SPOCK1: variants seen among roughly 807,000 people sequenced by gnomAD.
The protein encoded by SPOCK1 is testican-1.
A neutral mutation model predicts 55.3 loss-of-function variants in SPOCK1; 23 were observed. That is an observed-to-expected ratio of 0.42 (90% CI 0.30 to 0.59). The LOEUF is 0.59. Among genes scored for constraint, SPOCK1 ranks in the 20% least tolerant of loss-of-function variants. The probability of loss-of-function intolerance (pLI) is 0.22; values close to 1 mark genes in which losing one functional copy is unlikely to be tolerated. For missense variants in SPOCK1, 499 were observed against 552.5 expected, an observed-to-expected ratio of 0.90 and a Z score of 0.97; for synonymous variants, 226 against 221.0, an observed-to-expected ratio of 1.02 and a Z score of -0.20.
intron 2 of SPOCK1, among the ~76,000 whole-genome samples, chr5:137,412,631 T>A (rs1221455703): frequency 6.6e-6 from 1 of 152,128 alleles, no homozygotes; most frequent in African/African-American, 2.4e-5. Flanking sequence ...AAGCAGTCCC[T>A]CAGACAGAAA....
At chr5:137,157,933 T>C (rs554545126) in intron 3 of SPOCK1, among the ~76,000 whole-genome samples, 84 of 152,212 alleles carry the variant, frequency 5.5e-4, no homozygotes, top group African/African-American at 2.0e-3. Context: ...GTGGTGGCGC[T>C]TGCCTGCAAT....
intron 2 of SPOCK1, among the ~76,000 whole-genome samples, chr5:137,414,466 C>G (rs1752286783): frequency 6.6e-6 from 1 of 152,168 alleles, no homozygotes; most frequent in Admixed American, 6.5e-5. Context: ...AATGTGACTG[C>G]TTACCACCTT....
At chr5:137,185,623 G>C (rs1050471617) in intron 3 of SPOCK1, among the ~76,000 whole-genome samples, 1 of 152,072 alleles carries the variant, frequency 6.6e-6, no homozygotes, top group Admixed American at 6.6e-5. Flanking sequence ...ATAAAATAAA[G>C]AAATAAATAA....
intron 2 of SPOCK1, among the ~76,000 whole-genome samples, chr5:137,333,389 G>A (rs886311097): frequency 1.3e-5 from 2 of 152,134 alleles, no homozygotes; most frequent in African/African-American, 4.8e-5. Flanking sequence ...AGTTGAGGAG[G>A]AGGGAGCCAA....
At chr5:137,328,772 G>A (rs563166083) in intron 2 of SPOCK1, among the ~76,000 whole-genome samples, 17 of 152,260 alleles carry the variant, frequency 1.1e-4, no homozygotes, top group East Asian at 5.8e-4. Context: ...ATCAGTACGC[G>A]GCAGAACCAC....
chr5:137,043,054 A>T (rs747518203), intron 6 of SPOCK1, among the ~76,000 whole-genome samples: 54 of 152,146 alleles, frequency 3.5e-4, no homozygotes, highest in Non-Finnish European at 1.3e-4. Context: ...TGGGATACTA[A>T]ATACACAAGA....
intron 6 of SPOCK1, among the ~76,000 whole-genome samples, chr5:137,059,387 A>G (rs1752356241): frequency 6.6e-6 from 1 of 152,268 alleles, no homozygotes; most frequent in Admixed American, 6.5e-5. Flanking sequence ...AAGTTAAAAA[A>G]TTATTATATG....
chr5:137,279,060 C>A (rs893224555), intron 2 of SPOCK1, among the ~76,000 whole-genome samples: 2 of 152,018 alleles, frequency 1.3e-5, no homozygotes, highest in African/African-American at 4.8e-5. Context: ...AGATCAAAGG[C>A]TCTAGGACCT....
chr5:137,039,073 GGA>G (rs1254144702), intron 6 of SPOCK1, among the ~76,000 whole-genome samples: 3 of 152,024 alleles, frequency 2.0e-5, no homozygotes, highest in Non-Finnish European at 4.4e-5. Flanking sequence ...ATTATAAGCT[GGA>G]TCCCATTCCA....
rs10077415 is a variant in SPOCK1, at chr5:137,260,954, C to G, written c.232+6056G>C. Among the ~76,000 whole-genome samples, 338 of 152,242 alleles carry G rather than the reference C, an allele frequency of 2.2e-3. 1 individual carries two copies. Among genetic ancestry groups the G allele is most frequent in the Middle Eastern group, 6.8e-3 (2 of 294 alleles). On this transcript the variant is annotated intron_variant, in intron 3 of 10. Transcript: ENST00000394945. ...GATGAGTAGTTGCTGTTGGGGAAAG[C>G]ATATTCCTAATTATGTGGAAAAGGC...
chr5:136,983,622 A>G (rs907000214), intron 9 of SPOCK1, among the ~76,000 whole-genome samples: 3 of 149,016 alleles, frequency 2.0e-5, no homozygotes, highest in African/African-American at 7.4e-5. Context: ...CTTGGACCAA[A>G]AAAAAAAAAA....
Position 137,473,093 on chromosome 5 carries a change from C to T in SPOCK1, c.186+25280G>A, listed in dbSNP as rs1048607273. ...ATGCTTCTGCTGTGACCCAGCAATT[C>T]CCCTTCTAGGAATTTACCCCCAAAG... is the stretch of plus-strand genomic sequence containing the variant. On this transcript the variant is annotated intron_variant, in intron 2 of 10. Coordinates refer to ENST00000394945, the MANE Select transcript of SPOCK1 (RefSeq NM_004598.4). Among the ~76,000 whole-genome samples, 4 of 152,276 alleles carry T rather than the reference C, an allele frequency of 2.6e-5. No individual in the cohort carries two copies. The South Asian group carries it at 8.3e-4, about 32-fold the overall frequency.
At chr5:137,347,653 G>A (rs769518856) in intron 2 of SPOCK1, among the ~76,000 whole-genome samples, 3 of 152,094 alleles carry the variant, frequency 2.0e-5, no homozygotes, top group South Asian at 4.1e-4. Flanking sequence ...GGAGGTGAAG[G>A]TTGCAGTGAG....
At chr5:137,337,356 C>T (rs765649766) in intron 2 of SPOCK1, among the ~76,000 whole-genome samples, 4 of 152,156 alleles carry the variant, frequency 2.6e-5, no homozygotes, top group Non-Finnish European at 5.9e-5. Context: ...CTAACATTTC[C>T]AATGACCAAA....
chr5:137,449,550 G>A (rs1368535158), intron 2 of SPOCK1, among the ~76,000 whole-genome samples: 2 of 152,068 alleles, frequency 1.3e-5, no homozygotes, highest in African/African-American at 4.8e-5. Flanking sequence ...GCCTCTCTAA[G>A]TCCCAGTTTC....
intron 2 of SPOCK1, among the ~76,000 whole-genome samples, chr5:137,496,024 G>A (rs1419474723): frequency 2.0e-5 from 3 of 151,528 alleles, no homozygotes; most frequent in East Asian, 3.9e-4. Flanking sequence ...GTCTAAAACC[G>A]CTCCAAAAAC....
intron 2 of SPOCK1, among the ~76,000 whole-genome samples, chr5:137,361,972 C>T (rs540504736): frequency 1.3e-5 from 2 of 152,268 alleles, no homozygotes; most frequent in Admixed American, 1.3e-4. Context: ...TTAAGTGTTC[C>T]TCTCAGCCCC....
chr5:137,411,435 G>A (rs12519701), intron 2 of SPOCK1, among the ~76,000 whole-genome samples: 25,345 of 152,086 alleles, frequency 0.17, 2,322 homozygotes, highest in Admixed American at 0.27. Flanking sequence ...AAATCACCAA[G>A]GACCTTGTTG....
At chr5:137,488,705 T>C (rs1219619985) in intron 2 of SPOCK1, among the ~76,000 whole-genome samples, 3 of 152,310 alleles carry the variant, frequency 2.0e-5, no homozygotes, top group South Asian at 2.1e-4. Flanking sequence ...CATGTTTTAT[T>C]TGGGCAAAGA....
Sources: allele counts gnomAD v4.1 joint callset (sites outside exome capture counted in the v4.1 genomes callset), GRCh38; gene constraint gnomAD v4.1.1; transcripts MANE v1.5; gene names NCBI Gene and HGNC (gene_info 2026-07-23, HGNC 2026-07-21).